SEMA5A: variants seen among roughly 807,000 people sequenced by gnomAD.
SEMA5A encodes semaphorin 5A, also known as semaphorin-5A.
A neutral mutation model predicts 135.5 loss-of-function variants in SEMA5A; 55 were observed. The observed-to-expected ratio is 0.41, with a 90% confidence interval of 0.33 to 0.51. The LOEUF (loss-of-function observed/expected upper bound fraction) is 0.51, where lower values mean the gene tolerates loss of function less well. Among genes scored for constraint, SEMA5A ranks in the 20% least tolerant of loss-of-function variants. The pLI, the probability that SEMA5A is intolerant of heterozygous loss-of-function variation, is 0.37. For synonymous variants in SEMA5A, 580 were observed against 546.5 expected (o/e 1.06, Z -0.85); for missense variants, 1,290 against 1,419.9 (o/e 0.91, Z 1.47).
intron 5 of SEMA5A, among the ~76,000 whole-genome samples, chr5:9,256,681 C>A (rs1316789038): frequency 1.3e-5 from 2 of 152,166 alleles, no homozygotes; most frequent in African/African-American, 4.8e-5. Context: ...TCCCTTGGTT[C>A]AACACTTTAT....
At chr5:9,342,985 G>A (rs922546597) in intron 3 of SEMA5A, among the ~76,000 whole-genome samples, 2 of 152,104 alleles carry the variant, frequency 1.3e-5, no homozygotes, top group Non-Finnish European at 2.9e-5. Flanking sequence ...AAGAAAAATC[G>A]ACAGCCTCTC....
At chr5:9,303,002 G>GA (rs1444615146) in intron 5 of SEMA5A, among the ~76,000 whole-genome samples, 1 of 151,536 alleles carries the variant, frequency 6.6e-6, no homozygotes, top group East Asian at 1.9e-4. Flanking sequence ...AGTATAAAAT[G>GA]AAAAATCCAA....
At chr5:9,228,537 C>A (rs10079121) in intron 6 of SEMA5A, among the ~76,000 whole-genome samples, 33,089 of 152,154 alleles carry the variant, frequency 0.22, 3,958 homozygotes, top group African/African-American at 0.31. Flanking sequence ...CATGTTTTGA[C>A]TGCGTGAAGT....
In SEMA5A at chr5:9,308,383, C is replaced by T. The variant is rs113946222; in HGVS notation, c.270+9989G>A. ...GGTTATAAATCGCCACAGCCCTTGC[C>T]TCAAATGGGATTAACAGCGGTTCTA... On this transcript the variant is annotated intron_variant, in intron 5 of 22. Transcript: ENST00000382496. Among the ~76,000 whole-genome samples, 281 of 152,246 alleles carry T rather than the reference C, an allele frequency of 1.8e-3. 1 individual carries two copies. The highest frequency in any genetic ancestry group is 0.01 in the Middle Eastern group (3 of 294).
rs80052036 is a variant in SEMA5A at position 9,418,348 on chromosome 5, G to C, written c.-78+19408C>G. ...TCTTACAACCTAATCACCTCTCAAA[G>C]GTCCACCTTATAATACTATCAAACT... On this transcript the variant is annotated intron_variant, in intron 2 of 22. Transcript: ENST00000382496. Among the ~76,000 whole-genome samples the C allele has an allele frequency of 7.1e-4, 108 of 152,166 alleles. No homozygotes were observed. The East Asian group carries it at 0.019, about 26-fold the overall frequency.
At chr5:9,293,038 G>A (rs1751165994) in intron 5 of SEMA5A, among the ~76,000 whole-genome samples, 1 of 152,132 alleles carries the variant, frequency 6.6e-6, no homozygotes, top group African/African-American at 2.4e-5. Flanking sequence ...CTTTCTTGTG[G>A]TCATCTCCTC....
At chr5:9,517,245 T>G (rs1736582712) in intron 1 of SEMA5A, 2 of 152,246 alleles carry the variant, frequency 1.3e-5, no homozygotes, top group South Asian at 4.1e-4. Context: ...GCCACATTTT[T>G]TCTAAAGAAC....
At chr5:9,345,534 A>AG (rs1056501439) in intron 3 of SEMA5A, among the ~76,000 whole-genome samples, 4 of 151,884 alleles carry the variant, frequency 2.6e-5, no homozygotes, top group Non-Finnish European at 4.4e-5. Context: ...GTAAAAAAAA[A>AG]AAAAAAAGTG....
At chr5:9,353,219 A>G (rs1272601657) in intron 3 of SEMA5A, among the ~76,000 whole-genome samples, 5 of 138,316 alleles carry the variant, frequency 3.6e-5, no homozygotes, top group Admixed American at 2.9e-4. Flanking sequence ...AGGAAAGGAA[A>G]GGAAAGGAAA....
At chr5:9,512,666 G>T (rs1736274704) in intron 1 of SEMA5A, among the ~76,000 whole-genome samples, 1 of 152,106 alleles carries the variant, frequency 6.6e-6, no homozygotes, top group African/African-American at 2.4e-5. Context: ...CTCAAGAAGA[G>T]CCTGATCCCA....
At position 9,204,715 on chromosome 5, in the gene SEMA5A, C is replaced by A. The variant is rs1192632183; in HGVS notation, c.647-2475G>T. Among the ~76,000 whole-genome samples the A allele has an allele frequency of 6.6e-6, 1 of 152,124 alleles. No homozygotes were observed. The highest frequency in any genetic ancestry group is 1.5e-5 in the Non-Finnish European group (1 of 68,020). ...GATGGAAAGTCCTGAATCCATTAGA[C>A]CGGGGGTCACCAACCCCCAGGACAT... On this transcript the variant is annotated intron_variant, in intron 8 of 22. Coordinates refer to ENST00000382496, the MANE Select transcript of SEMA5A (RefSeq NM_003966.3). The surrounding 1 kb of genome is among the most constrained non-coding windows in gnomAD (Gnocchi z 6.4).
Position 9,204,407 on chromosome 5 carries a change from C to G in SEMA5A, c.647-2167G>C, listed in dbSNP as rs139767957. Among the ~76,000 whole-genome samples the G allele has an allele frequency of 1.3e-5, 2 of 152,254 alleles. No individual in the cohort carries two copies. Among genetic ancestry groups the G allele is most frequent in the African/African-American group, 4.8e-5 (2 of 41,536 alleles). ...CATGAAAACCACATAGTAAATAGCTCCAGTTTCTCAAAAGTCCTGAGCTGA... is the reference window on the plus strand; with the variant it reads ...CATGAAAACCACATAGTAAATAGCTGCAGTTTCTCAAAAGTCCTGAGCTGA... On this transcript the variant is annotated intron_variant, in intron 8 of 22. Transcript: ENST00000382496. This position sits in a 1 kb window ranked among gnomAD's most constrained non-coding sequence, Gnocchi z 6.4.
At chr5:9,478,302 G>T in intron 1 of SEMA5A, among the ~76,000 whole-genome samples, 1 of 152,246 alleles carries the variant, frequency 6.6e-6, no homozygotes, top group East Asian at 1.9e-4. Context: ...GCAGTGTGGG[G>T]TTGGAGGCCC....
intron 1 of SEMA5A, among the ~76,000 whole-genome samples, chr5:9,472,589 G>T (rs1270863691): frequency 6.6e-6 from 1 of 152,136 alleles, no homozygotes; most frequent in Non-Finnish European, 1.5e-5. Context: ...AGGCTTGGGG[G>T]TTGGGAGGTG....
At chr5:9,157,130 G>C (rs1231915235) in intron 11 of SEMA5A, among the ~76,000 whole-genome samples, 1 of 152,150 alleles carries the variant, frequency 6.6e-6, no homozygotes, top group African/African-American at 2.4e-5. Context: ...CATGTGACGA[G>C]TCCCCTCCAC....
At chr5:9,419,091 ATT>A (rs11313934) in intron 2 of SEMA5A, among the ~76,000 whole-genome samples, 2 of 150,532 alleles carry the variant, frequency 1.3e-5, no homozygotes, top group Admixed American at 6.6e-5. Context: ...GATTTCAAGC[ATT>A]TTTTTTTTAT....
chr5:9,312,844 G>A (rs1173299027), intron 5 of SEMA5A, among the ~76,000 whole-genome samples: 2 of 152,166 alleles, frequency 1.3e-5, no homozygotes, highest in Admixed American at 6.6e-5. Flanking sequence ...TTGGAAGTGA[G>A]TTTTCTCCTT....
intron 1 of SEMA5A, among the ~76,000 whole-genome samples, chr5:9,521,336 G>T (rs957901744): frequency 6.6e-5 from 10 of 152,210 alleles, no homozygotes; most frequent in Non-Finnish European, 1.5e-4. Context: ...CTTGAACCCA[G>T]GAGGTGGAGG....
intron 3 of SEMA5A, among the ~76,000 whole-genome samples, chr5:9,360,532 T>C (rs546515841): frequency 6.6e-6 from 1 of 152,292 alleles, no homozygotes; most frequent in South Asian, 2.1e-4. Flanking sequence ...AACAACACGA[T>C]AGCTTACAAA....
Sources: gnomAD v4.1 joint callset for allele counts (sites outside exome capture counted in the v4.1 genomes callset) on GRCh38, gnomAD v4.1.1 for gene constraint, Gnocchi (gnomAD v3.1) non-coding constraint, MANE v1.5 for transcripts, NCBI Gene and HGNC (gene_info 2026-07-23, HGNC 2026-07-21) for gene names.